The following ZFAND3 variants were observed in gnomAD, a reference collection of about 807,000 sequenced individuals.
The protein encoded by ZFAND3 is zinc finger AN1-type containing 3.
A neutral mutation model predicts 29.6 loss-of-function variants in ZFAND3; 10 were observed. That is an observed-to-expected ratio of 0.34 (90% CI 0.21 to 0.57). The LOEUF is 0.57. Among genes scored for constraint, ZFAND3 ranks in the 20% least tolerant of loss-of-function variants. The probability of loss-of-function intolerance (pLI) is 0.86; values close to 1 mark genes in which losing one functional copy is unlikely to be tolerated. For synonymous variants in ZFAND3, 128 were observed against 112.6 expected (o/e 1.14, Z -0.87); for missense variants, 230 against 304.5 (o/e 0.76, Z 1.82).
intron 2 of ZFAND3, among the ~76,000 whole-genome samples, chr6:37,997,748 A>G (rs1762875631): frequency 1.3e-5 from 2 of 152,242 alleles, no homozygotes; most frequent in Admixed American, 6.5e-5. Context: ...TGCCTGACAC[A>G]TAGTAGGCCC....
At position 38,152,418 on chromosome 6, in the gene ZFAND3, G is replaced by C; in HGVS notation, c.*29G>C. 2.0e-6 allele frequency: 3 copies of C among 1,528,550 alleles called. No individual in the cohort carries two copies. Among genetic ancestry groups the C allele is most frequent in the African/African-American group, 1.4e-5 (1 of 72,106 alleles). The allele number at this position is 1,528,550 out of a possible 1,614,324, so 94.7% of individuals were successfully genotyped here. A position where few individuals can be genotyped will look rare whatever the true frequency, so the allele number is the denominator to read the frequency against. On this transcript the variant is annotated 3_prime_UTR_variant, in exon 6 of 6. Transcript: ENST00000287218. ...CCAGGCATGGCCACCACGTGACGCT[G>C]TTCTTAGTTCACTAATGTTAGCCTT...
At chr6:37,849,791 G>T (rs992393179) in intron 1 of ZFAND3, among the ~76,000 whole-genome samples, 1 of 152,200 alleles carries the variant, frequency 6.6e-6, no homozygotes, top group Non-Finnish European at 1.5e-5. Context: ...AAGGGCAGCA[G>T]ATGGACTTCC....
At chr6:37,833,801 TG>T (rs1263228959) in intron 1 of ZFAND3, among the ~76,000 whole-genome samples, 1 of 132,118 alleles carries the variant, frequency 7.6e-6, no homozygotes, top group East Asian at 2.3e-4. Context: ...ACTTCCAGCC[TG>T]GGCGACAGAG....
Position 38,154,350 on chromosome 6 carries a change from A to C in ZFAND3, c.*1961A>C, listed in dbSNP as rs747743892. ...GAGCTGGCCTGGGGGAGCGAAGCCC[A>C]TGTTCGCTTCCTGACTTAGAGCTGG... On this transcript the variant is annotated 3_prime_UTR_variant, in exon 6 of 6. Transcript: ENST00000287218. The C allele has an allele frequency of 2.4e-6, 2 of 847,808 alleles. No homozygotes were observed. Among genetic ancestry groups the C allele is most frequent in the Non-Finnish European group, 2.8e-6 (2 of 713,836 alleles). 52.5% of individuals were successfully genotyped at this position (847,808 alleles called of 1,614,324 possible). A position where few individuals can be genotyped will look rare whatever the true frequency, so the allele number is the denominator to read the frequency against.
intron 2 of ZFAND3, among the ~76,000 whole-genome samples, chr6:37,966,518 T>C (rs1762296427): frequency 7.2e-5 from 11 of 152,178 alleles, no homozygotes; most frequent in Admixed American, 7.2e-4. Context: ...CATAAGTGAC[T>C]GAACCTGATT....
At chr6:38,141,748 ATGT>A (rs557057095) in intron 5 of ZFAND3, among the ~76,000 whole-genome samples, 46 of 152,292 alleles carry the variant, frequency 3.0e-4, no homozygotes, top group East Asian at 2.1e-3. Context: ...GGCAGAAAAA[ATGT>A]TGTGTGAATG....
chr6:38,106,305 A>G (rs746430170), intron 4 of ZFAND3, among the ~76,000 whole-genome samples: 1 of 152,094 alleles, frequency 6.6e-6, no homozygotes. Flanking sequence ...GGCATGCACC[A>G]CCACGCCCGG....
intron 1 of ZFAND3, among the ~76,000 whole-genome samples, chr6:37,910,477 T>A (rs1032839881): frequency 6.6e-6 from 1 of 152,224 alleles, no homozygotes; most frequent in African/African-American, 2.4e-5. Flanking sequence ...TAAGACTTTT[T>A]AAATCTTGCA....
intron 5 of ZFAND3, chr6:38,142,911 A>G (rs909946283): frequency 1.3e-5 from 2 of 153,948 alleles, no homozygotes; most frequent in African/African-American, 4.8e-5. Context: ...CTCCAGATAA[A>G]ACAGCCTAGC....
intron 1 of ZFAND3, among the ~76,000 whole-genome samples, chr6:37,893,776 A>T (rs921203642): frequency 6.6e-6 from 1 of 151,656 alleles, no homozygotes; most frequent in Non-Finnish European, 1.5e-5. Flanking sequence ...CTGGTCTCGA[A>T]CTCCTGAACT....
intron 5 of ZFAND3, among the ~76,000 whole-genome samples, chr6:38,131,003 C>T (rs372982929): frequency 1.3e-5 from 2 of 152,202 alleles, no homozygotes; most frequent in East Asian, 3.9e-4. Flanking sequence ...TTGGTCTGTT[C>T]AGGGTATCTA....
chr6:37,966,168 T>G (rs1000098062), intron 2 of ZFAND3, among the ~76,000 whole-genome samples: 2 of 152,186 alleles, frequency 1.3e-5, no homozygotes, highest in Non-Finnish European at 2.9e-5. Context: ...TGCATTTTCC[T>G]TCTATGCAAA....
chr6:38,084,729 G>A (rs900906441), intron 4 of ZFAND3, among the ~76,000 whole-genome samples: 4 of 152,256 alleles, frequency 2.6e-5, no homozygotes, highest in South Asian at 2.1e-4. Flanking sequence ...GTAGGCCTTC[G>A]TTGAGGTGAA....
intron 1 of ZFAND3, among the ~76,000 whole-genome samples, chr6:37,885,093 G>A (rs981196126): frequency 6.6e-6 from 1 of 152,068 alleles, no homozygotes; most frequent in African/African-American, 2.4e-5. Flanking sequence ...CTGTACTCAG[G>A]TACTGAAGAG....
intron 3 of ZFAND3, among the ~76,000 whole-genome samples, chr6:38,077,520 T>C (rs964421415): frequency 3.9e-5 from 6 of 152,254 alleles, no homozygotes; most frequent in Non-Finnish European, 8.8e-5. Flanking sequence ...ACAGTTACTA[T>C]GAAAGGACTG....
At position 38,117,329 on chromosome 6, in the gene ZFAND3, C is replaced by T. The variant is rs111748491; in HGVS notation, c.529+590C>T. Among the ~76,000 whole-genome samples, 680 of 136,484 alleles carry T rather than the reference C, an allele frequency of 5.0e-3. 9 individuals are homozygous for T. Among genetic ancestry groups the T allele is most frequent in the African/African-American group, 0.018 (650 of 36,844 alleles). 89.5% of individuals were successfully genotyped at this position (136,484 alleles called of 152,430 possible). Reference sequence around the variant, plus strand: ...TCTGCCTCACAAAGTGCTGGGATTACAGGCATGAGCCACCATATACCCAGT... The same window carrying T: ...TCTGCCTCACAAAGTGCTGGGATTATAGGCATGAGCCACCATATACCCAGT... On this transcript the variant is annotated intron_variant, in intron 5 of 5. Transcript: ENST00000287218.
intron 5 of ZFAND3, among the ~76,000 whole-genome samples, chr6:38,144,403 G>A (rs780731342): frequency 6.6e-6 from 1 of 151,782 alleles, no homozygotes; most frequent in Non-Finnish European, 1.5e-5. Flanking sequence ...GGGAGGTCTT[G>A]GATAGCTTCT....
At chr6:37,871,712 G>T (rs1448690533) in intron 1 of ZFAND3, among the ~76,000 whole-genome samples, 2 of 152,118 alleles carry the variant, frequency 1.3e-5, no homozygotes, top group Non-Finnish European at 2.9e-5. Context: ...GTGTTGGTCT[G>T]CATAGATCAC....
At chr6:38,076,113 G>C (rs2127468787) in intron 3 of ZFAND3, among the ~76,000 whole-genome samples, 1 of 152,052 alleles carries the variant, frequency 6.6e-6, no homozygotes, top group East Asian at 1.9e-4. Context: ...ACCACCCCCT[G>C]ATCAGTTAGC....
Sources: gnomAD v4.1 joint callset for allele counts (sites outside exome capture counted in the v4.1 genomes callset) on GRCh38, gnomAD v4.1.1 for gene constraint, MANE v1.5 for transcripts, NCBI Gene and HGNC (gene_info 2026-07-23, HGNC 2026-07-21) for gene names.